Variants in ERC2 observed in about 807,000 individuals in gnomAD.
ERC2 encodes ELKS/RAB6-interacting/CAST family member 2, also known as ERC protein 2.
A neutral mutation model predicts 114.8 loss-of-function variants in ERC2; 42 were observed. That is an observed-to-expected ratio of 0.37 (90% CI 0.29 to 0.47). ERC2 has a LOEUF of 0.47. Ranked by LOEUF, ERC2 falls within the 20% of genes least tolerant of loss-of-function variation. The pLI, the probability that ERC2 is intolerant of heterozygous loss-of-function variation, is 0.99. For synonymous variants in ERC2, 454 were observed against 425.5 expected (o/e 1.07, Z -0.82); for missense variants, 939 against 1,150.7 (o/e 0.82, Z 2.66).
chr3:55,946,866 T>C (rs2067156617), intron 13 of ERC2, among the ~76,000 whole-genome samples: 1 of 152,184 alleles, frequency 6.6e-6, no homozygotes, highest in Non-Finnish European at 1.5e-5. Flanking sequence ...TAATTCAAGG[T>C]ATCTTCAAAC....
At chr3:55,691,574 ATATAT>A (rs370990146) in intron 16 of ERC2, among the ~76,000 whole-genome samples, 13 of 48,310 alleles carry the variant, frequency 2.7e-4, no homozygotes, top group African/African-American at 1.2e-3. Flanking sequence ...AAAAAAAAAA[ATATAT>A]ATATATATAT....
intron 7 of ERC2, 40 bp from the exon 8 acceptor site, chr3:56,019,071 C>T (rs762607389): frequency 1.7e-5 from 26 of 1,517,504 alleles, no homozygotes; most frequent in Non-Finnish European, 2.2e-5. Flanking sequence ...TATTTGATTA[C>T]ATATCCTAGG....
At chr3:55,895,018 A>G (rs144148473) in intron 13 of ERC2, among the ~76,000 whole-genome samples, 41 of 152,254 alleles carry the variant, frequency 2.7e-4, no homozygotes, top group African/African-American at 9.9e-4. Context: ...TCTGCTTATC[A>G]AAACTGCCCA....
chr3:55,910,826 T>C (rs1028117659), intron 13 of ERC2, among the ~76,000 whole-genome samples: 1 of 152,234 alleles, frequency 6.6e-6, no homozygotes, highest in African/African-American at 2.4e-5. Context: ...TGTCAGTCTC[T>C]ACAGTCTGAT....
chr3:56,273,549 A>G (rs950742566), intron 3 of ERC2, among the ~76,000 whole-genome samples: 3 of 152,080 alleles, frequency 2.0e-5, no homozygotes, highest in Non-Finnish European at 4.4e-5. Flanking sequence ...CCGGTCAAGG[A>G]CACCCCTTTT....
At chr3:55,517,182 T>C (rs2052573621) in intron 17 of ERC2, among the ~76,000 whole-genome samples, 2 of 152,166 alleles carry the variant, frequency 1.3e-5, no homozygotes, top group African/African-American at 4.8e-5. Context: ...GGCTCACGCC[T>C]GTAACCTCAG....
At chr3:55,665,844 G>C (rs997160876) in intron 17 of ERC2, among the ~76,000 whole-genome samples, 1 of 152,190 alleles carries the variant, frequency 6.6e-6, no homozygotes, top group African/African-American at 2.4e-5. Context: ...TCCATACATG[G>C]ACTCTGCTAG....
Position 55,627,127 on chromosome 3 carries a change from C to T in ERC2, c.*39+56667G>A, listed in dbSNP as rs1337576363. Among the ~76,000 whole-genome samples, 5 of 152,314 alleles carry T rather than the reference C, an allele frequency of 3.3e-5. No homozygotes were observed. The East Asian group carries it at 9.6e-4, about 29-fold the overall frequency. ...TGAATGAGACAGGAACAAACTGAAA[C>T]TTGGCTTCAGCTCCACAAAACTGTT... On this transcript the variant is annotated intron_variant, in intron 17 of 17. Coordinates refer to ENST00000288221, the MANE Select transcript of ERC2 (RefSeq NM_015576.3).
At position 55,786,360 on chromosome 3, in the gene ERC2, T is replaced by C. The variant is rs563790325; in HGVS notation, c.2565-51442A>G. On this transcript the variant is annotated intron_variant, in intron 14 of 17. Coordinates refer to ENST00000288221, the MANE Select transcript of ERC2 (RefSeq NM_015576.3). ...GACTTGATGCCAAGGGCCATGCCCA[T>C]TGAGCTCATTACAGAGGAACAAAAA... is the stretch of plus-strand genomic sequence containing the variant. Among the ~76,000 whole-genome samples, 7 of 152,362 alleles carry C rather than the reference T, an allele frequency of 4.6e-5. No homozygotes were observed. The South Asian group carries it at 1.5e-3, about 32-fold the overall frequency.
intron 14 of ERC2, among the ~76,000 whole-genome samples, chr3:55,764,389 G>T (rs566341174): frequency 6.6e-6 from 1 of 152,080 alleles, no homozygotes; most frequent in South Asian, 2.1e-4. Flanking sequence ...CACTTGCATC[G>T]CATTTACTTA....
chr3:56,336,930 A>G (rs1162910844), intron 2 of ERC2, among the ~76,000 whole-genome samples: 1 of 152,216 alleles, frequency 6.6e-6, no homozygotes, highest in Admixed American at 6.5e-5. Flanking sequence ...AAAAAGCTAA[A>G]TACTACCTCA....
At chr3:55,620,920 G>A (rs1325329652) in intron 17 of ERC2, among the ~76,000 whole-genome samples, 2 of 152,086 alleles carry the variant, frequency 1.3e-5, no homozygotes, top group Non-Finnish European at 2.9e-5. Flanking sequence ...TTGTCATTTA[G>A]GCCAATTAAG....
intron 17 of ERC2, among the ~76,000 whole-genome samples, chr3:55,655,398 G>C (rs960964100): frequency 1.3e-5 from 2 of 152,198 alleles, no homozygotes; most frequent in Non-Finnish European, 2.9e-5. Flanking sequence ...AATTAGAGGA[G>C]CCCCAAGATT....
chr3:55,518,137 C>T (rs991580617), intron 17 of ERC2, among the ~76,000 whole-genome samples: 1 of 152,080 alleles, frequency 6.6e-6, no homozygotes, highest in African/African-American at 2.4e-5. Context: ...TGTCTCAGGA[C>T]ATGGCCAAAT....
intron 12 of ERC2, among the ~76,000 whole-genome samples, chr3:55,983,394 T>C (rs2149509099): frequency 6.6e-6 from 1 of 152,312 alleles, no homozygotes; most frequent in Non-Finnish European, 1.5e-5. Flanking sequence ...CCGAGTACAA[T>C]ACAGAGATCC....
chr3:55,608,808 T>C (rs930539885), intron 17 of ERC2, among the ~76,000 whole-genome samples: 1 of 152,192 alleles, frequency 6.6e-6, no homozygotes, highest in African/African-American at 2.4e-5. Context: ...CCTCAATCAT[T>C]GACCTCAGAG....
intron 15 of ERC2, among the ~76,000 whole-genome samples, chr3:55,723,134 A>T (rs1279172536): frequency 5.3e-5 from 8 of 152,248 alleles, no homozygotes; most frequent in Non-Finnish European, 1.5e-5. Flanking sequence ...ACCAAGAAAT[A>T]TGTTTTCGAA....
intron 2 of ERC2, among the ~76,000 whole-genome samples, chr3:56,422,224 T>G (rs1327976583): frequency 6.6e-6 from 1 of 152,164 alleles, no homozygotes; most frequent in East Asian, 1.9e-4. Flanking sequence ...GAGACCATCC[T>G]CATTGAAGTC....
intron 17 of ERC2, among the ~76,000 whole-genome samples, chr3:55,646,049 A>C (rs1028346374): frequency 6.6e-6 from 1 of 152,232 alleles, no homozygotes; most frequent in Admixed American, 6.5e-5. Flanking sequence ...TGAGGCCCAC[A>C]TTCCAAACCA....
Sources: allele counts gnomAD v4.1 joint callset (sites outside exome capture counted in the v4.1 genomes callset), GRCh38; gene constraint gnomAD v4.1.1; transcripts MANE v1.5; gene names NCBI Gene and HGNC (gene_info 2026-07-23, HGNC 2026-07-21).